The following USPL1 variants were observed in gnomAD, a reference collection of about 807,000 sequenced individuals.
USPL1 encodes the protein SUMO-specific isopeptidase USPL1.
A neutral mutation model predicts 51.5 loss-of-function variants in USPL1; 27 were observed. The ratio of observed to expected loss-of-function variants is 0.52; its 90% CI spans 0.39 to 0.72. The LOEUF (loss-of-function observed/expected upper bound fraction) is 0.72. USPL1 is among the 30% of genes least tolerant of loss of function. USPL1 has a pLI of 0.00. For synonymous variants in USPL1, 451 were observed against 459.6 expected (o/e 0.98, Z 0.24); for missense variants, 1,226 against 1,268.0 (o/e 0.97, Z 0.50).
chr13:30,628,696 T>C (rs143721659), intron 3 of USPL1, among the ~76,000 whole-genome samples: 1,732 of 152,362 alleles, frequency 0.011, 14 homozygotes, highest in Non-Finnish European at 0.017. Flanking sequence ...GCTTCATCCA[T>C]GTCTCTGCAA....
In USPL1 at chr13:30,658,137, T is replaced by C; in HGVS notation, c.2060T>C (p.Leu687Pro). 2 of 1,613,730 alleles carry C rather than the reference T, an allele frequency of 1.2e-6. No individual in the cohort carries two copies. Among genetic ancestry groups the C allele is most frequent in the Non-Finnish European group, 1.7e-6 (2 of 1,180,012 alleles). The stretch of plus-strand genomic sequence containing the variant: ...GTGAATAATACTGATGCTACTGGTC[T>C]TATACAGGGAGTGAAGTCAGTAGAA... ...KSVNNTDATG[L>P]IQGVKSVEIE... The change falls in exon 9 of 9, where the codon CTT becomes CCT. Residue 687 changes from leucine (L) to proline (P), a missense_variant. Coordinates refer to ENST00000255304, the MANE Select transcript of USPL1 (RefSeq NM_005800.5).
chr13:30,647,732 T>G (rs891161832), intron 7 of USPL1, among the ~76,000 whole-genome samples: 4 of 152,124 alleles, frequency 2.6e-5, no homozygotes, highest in Non-Finnish European at 5.9e-5. Flanking sequence ...ATTAAGGAAA[T>G]GTTTTGAGGT....
intron 4 of USPL1, among the ~76,000 whole-genome samples, chr13:30,632,154 C>T (rs774652625): frequency 2.6e-5 from 4 of 151,942 alleles, no homozygotes; most frequent in African/African-American, 2.4e-5. Context: ...TGTGATGTTC[C>T]CCTCCCTGTG....
chr13:30,647,765 C>T (rs1173271971), intron 7 of USPL1, among the ~76,000 whole-genome samples: 3 of 152,036 alleles, frequency 2.0e-5, no homozygotes, highest in African/African-American at 4.8e-5. Flanking sequence ...AATAAAGAAC[C>T]GGGAACATTA....
In USPL1 at chr13:30,658,541, C is replaced by G; in HGVS notation, c.2464C>G (p.Pro822Ala). 2.5e-6 allele frequency: 4 copies of G among 1,614,070 alleles called. No individual in the cohort carries two copies. Among genetic ancestry groups the G allele is most frequent in the Non-Finnish European group, 3.4e-6 (4 of 1,179,976 alleles). Reference protein sequence around the residue: ...SKKARKSASKPPPISKPPAGP... With the variant: ...SKKARKSASKAPPISKPPAGP... ...GAAAGCTCGTAAGAGTGCAAGTAAGCCTCCTCCCATCAGTAAGCCACCAGC... is the reference window on the plus strand; with the variant it reads ...GAAAGCTCGTAAGAGTGCAAGTAAGGCTCCTCCCATCAGTAAGCCACCAGC... The change falls in exon 9 of 9, where the codon CCT (proline) becomes GCT (alanine). Residue 822 changes from proline (P) to alanine (A), a missense_variant. By Grantham distance (27) the Pro-to-Ala change is conservative. Coordinates refer to ENST00000255304, the MANE Select transcript of USPL1 (RefSeq NM_005800.5).
chr13:30,642,699 C>T lies in USPL1; in HGVS notation c.1054C>T (p.Leu352=), dbSNP rs1490681677. ...KLETHIEKLF[L]YSFSWDFECS... is the part of the protein sequence containing the mutation. ...AGAAACCCACATTGAAAAGCTCTTC[C>T]TATATTCTTTTTCTTGGGACTTTGA... is the stretch of plus-strand genomic sequence containing the variant. Residue 352 remains leucine (L), a synonymous_variant, in exon 6 of 9, where the codon CTA becomes TTA. Transcript: ENST00000255304. 5.6e-6 allele frequency: 9 copies of T among 1,613,778 alleles called. No individual in the cohort carries two copies. The highest frequency in any genetic ancestry group is 1.6e-4 in the Middle Eastern group (1 of 6,078).
At chr13:30,646,139 T>C (rs1461004183) in intron 6 of USPL1, among the ~76,000 whole-genome samples, 1 of 152,236 alleles carries the variant, frequency 6.6e-6, no homozygotes, top group Admixed American at 6.5e-5. Context: ...AAGTATTTGC[T>C]ATTGTTTAGA....
chr13:30,631,385 CGAA>C lies in USPL1; in HGVS notation c.781_783del (p.Lys261del). ...AAGAACACCGTGACTGGACTGTGCT[CGAA>C]GGAGGAATCTATATTCTGGCGGTTG... is the stretch of plus-strand genomic sequence containing the variant. On this transcript the variant is annotated inframe_deletion, in exon 4 of 9. Transcript: ENST00000255304. 1 of 1,614,086 alleles carries C rather than the reference CGAA, an allele frequency of 6.2e-7. No homozygotes were observed. Among genetic ancestry groups the C allele is most frequent in the Non-Finnish European group, 8.5e-7 (1 of 1,180,018 alleles).
chr13:30,622,808 G>T (rs1950661835), intron 3 of USPL1, among the ~76,000 whole-genome samples: 1 of 152,170 alleles, frequency 6.6e-6, no homozygotes, highest in Admixed American at 6.5e-5. Context: ...AAATCACATG[G>T]TTGTTAATAG....
intron 3 of USPL1, among the ~76,000 whole-genome samples, chr13:30,626,016 G>GA (rs1278317931): frequency 6.6e-6 from 1 of 152,010 alleles, no homozygotes; most frequent in East Asian, 1.9e-4. Context: ...AAAAATGCCA[G>GA]AAAAAATCAA....
chr13:30,642,558 A>G, intron 5 of USPL1, 70 bp from the exon 6 acceptor site: 1 of 1,550,908 alleles, frequency 6.4e-7, no homozygotes, highest in Non-Finnish European at 8.7e-7. Context: ...AAAAGACAAT[A>G]GTTCACAATT....
intron 4 of USPL1, 66 bp from the exon 5 acceptor site, chr13:30,637,678 G>A (rs1420732219): frequency 5.5e-6 from 7 of 1,265,898 alleles, no homozygotes; most frequent in South Asian, 5.4e-5. Context: ...TCTTGGGAAT[G>A]TGTCAGTTTT....
In USPL1 at chr13:30,650,691, C is replaced by T. The variant is rs558952903; in HGVS notation, c.1239-2457C>T. On this transcript the variant is annotated intron_variant, in intron 7 of 8. Transcript: ENST00000255304. The stretch of plus-strand genomic sequence containing the variant: ...GGGAAAAAATTTGGAATTCATTAGG[C>T]ATTTGGAACTTACAAAGTTTCGGCC... Among the ~76,000 whole-genome samples the T allele has an allele frequency of 4.0e-5, 6 of 150,964 alleles. No individual in the cohort carries two copies. The South Asian group carries it at 1.3e-3, about 32-fold the overall frequency.
intron 3 of USPL1, among the ~76,000 whole-genome samples, chr13:30,629,956 T>C (rs1950777968): frequency 6.6e-6 from 1 of 151,660 alleles, no homozygotes; most frequent in Non-Finnish European, 1.5e-5. Context: ...AAGAAGGCAT[T>C]AATTAACTAT....
intron 4 of USPL1, among the ~76,000 whole-genome samples, chr13:30,632,864 C>G (rs1950825913): frequency 6.6e-6 from 1 of 152,132 alleles, no homozygotes; most frequent in Admixed American, 6.5e-5. Context: ...GATCTCTTGG[C>G]ACAATAAGGG....
Position 30,657,801 on chromosome 13 carries a change from G to A in USPL1, c.1724G>A (p.Gly575Asp), listed in dbSNP as rs1951186094. The A allele has an allele frequency of 6.2e-7, 1 of 1,613,946 alleles. No homozygotes were observed. Among genetic ancestry groups the A allele is most frequent in the African/African-American group, 1.3e-5 (1 of 75,036 alleles). Residue 575 changes from glycine to aspartate, a missense_variant, in exon 9 of 9, where the codon GGT becomes GAT. Transcript: ENST00000255304. Reference sequence around the variant, plus strand: ...ACTCATGGAGATCATTTACTTTCAGGTCCAAAAGGTTTGGTTGACAATATT... The same window carrying A: ...ACTCATGGAGATCATTTACTTTCAGATCCAAAAGGTTTGGTTGACAATATT... Reference protein sequence around the residue: ...AVTHGDHLLSGPKGLVDNILP... With the variant: ...AVTHGDHLLSDPKGLVDNILP...
intron 6 of USPL1, among the ~76,000 whole-genome samples, chr13:30,644,416 T>G (rs969744956): frequency 2.0e-5 from 3 of 150,872 alleles, no homozygotes; most frequent in African/African-American, 7.3e-5. Flanking sequence ...AAGGTTTTGT[T>G]TTTTTTTTAA....
chr13:30,618,124 C>T (rs949266355), intron 1 of USPL1, 68 bp downstream of exon 1: 1 of 152,368 alleles, frequency 6.6e-6, no homozygotes, highest in Non-Finnish European at 1.5e-5. Context: ...GCTGGGATGA[C>T]CTATGGGGTA....
At chr13:30,635,331 T>A (rs1950860819) in intron 4 of USPL1, among the ~76,000 whole-genome samples, 1 of 152,230 alleles carries the variant, frequency 6.6e-6, no homozygotes, top group South Asian at 2.1e-4. Context: ...TTCATATTGA[T>A]GTGTGGTATG....
Sources: allele counts gnomAD v4.1 joint callset (sites outside exome capture counted in the v4.1 genomes callset), GRCh38; gene constraint gnomAD v4.1.1; transcripts MANE v1.5; gene names NCBI Gene and HGNC (gene_info 2026-07-23, HGNC 2026-07-21).